SLC9A6: variants seen among roughly 807,000 people sequenced by gnomAD.
SLC9A6 encodes sodium/hydrogen exchanger 6.
SLC9A6 carries 6 observed loss-of-function variants against 45.3 expected under a neutral mutation model. That is an observed-to-expected ratio of 0.13 (90% CI 0.07 to 0.26). SLC9A6 has a LOEUF of 0.26. Among genes scored for constraint, SLC9A6 ranks in the 10% least tolerant of loss-of-function variants. The probability of loss-of-function intolerance (pLI) is 1.00; values close to 1 mark genes in which losing one functional copy is unlikely to be tolerated. For synonymous variants in SLC9A6, 191 were observed against 187.7 expected (o/e 1.02, Z -0.14); for missense variants, 278 against 503.7 (o/e 0.55, Z 4.29).
At chrX:136,021,794 T>G (rs1396323951) in intron 11 of SLC9A6, among the ~76,000 whole-genome samples, 1 of 112,159 alleles carries the variant, frequency 8.9e-6, no homozygotes. Flanking sequence ...CCCAAAATGC[T>G]GGGATTACAA....
At chrX:136,015,386 C>T (rs2071000419) in intron 10 of SLC9A6, among the ~76,000 whole-genome samples, 1 of 111,997 alleles carries the variant, frequency 8.9e-6, no homozygotes, top group Non-Finnish European at 1.9e-5. Context: ...GGAAAGTTTG[C>T]CGATCCCTAT....
intron 7 of SLC9A6, 115 bp from the exon 8 acceptor site, chrX:136,010,327 A>G (rs2070896320): frequency 1.1e-6 from 1 of 876,406 alleles, no homozygotes; most frequent in Non-Finnish European, 1.6e-6. Flanking sequence ...GGCAATTCCA[A>G]TCGAAAGCTT....
intron 11 of SLC9A6, among the ~76,000 whole-genome samples, chrX:136,018,692 TGTG>T (rs1320403112): frequency 9.0e-6 from 1 of 111,452 alleles, no homozygotes; most frequent in Non-Finnish European, 1.9e-5. Context: ...AAGGAGCAAT[TGTG>T]GTCAGTGGGA....
chrX:136,003,331 C>T (rs62603062), intron 7 of SLC9A6, among the ~76,000 whole-genome samples: 1 of 112,437 alleles, frequency 8.9e-6, no homozygotes, highest in Non-Finnish European at 1.9e-5. Flanking sequence ...CTTAGTATTT[C>T]TTTATTCAAA....
intron 7 of SLC9A6, among the ~76,000 whole-genome samples, chrX:136,009,947 TA>T (rs1233022272): frequency 4.7e-4 from 53 of 112,203 alleles, no homozygotes; most frequent in Non-Finnish European, 3.8e-5. Flanking sequence ...TCTAGAATTC[TA>T]AAAGTTGGAA....
rs2071027247 is a variant in SLC9A6 at position 136,016,768 on chromosome X, A to G, written c.1194+10A>G. The G allele has an allele frequency of 2.1e-6, 2 of 950,285 alleles. No homozygotes were observed. Among genetic ancestry groups the G allele is most frequent in the Non-Finnish European group, 3.0e-6 (2 of 663,485 alleles). 78.3% of individuals were successfully genotyped at this position (950,285 alleles called of 1,213,427 possible). Reference sequence around the variant, plus strand: ...TGTAGTAGGAGCATTTGTATCCTTTATTATGTGTTTTATTTTGAAAATATT... The same window carrying G: ...TGTAGTAGGAGCATTTGTATCCTTTGTTATGTGTTTTATTTTGAAAATATT... On this transcript the variant is annotated intron_variant, in intron 11 of 17. Transcript: ENST00000630721.
At chrX:135,994,107 CTTT>C (rs782645887) in intron 2 of SLC9A6, among the ~76,000 whole-genome samples, 4 of 96,513 alleles carry the variant, frequency 4.1e-5, no homozygotes, top group Non-Finnish European at 4.2e-5. Flanking sequence ...AAACAAATTT[CTTT>C]TTTTTTTTTT....
At chrX:135,993,989 T>C (rs181716234) in intron 2 of SLC9A6, among the ~76,000 whole-genome samples, 27 of 111,974 alleles carry the variant, frequency 2.4e-4, no homozygotes, top group African/African-American at 6.5e-4. Flanking sequence ...ACAAATATTA[T>C]TGACTTTTCA....
intron 10 of SLC9A6, among the ~76,000 whole-genome samples, chrX:136,013,939 G>A (rs1313380898): frequency 8.9e-6 from 1 of 112,285 alleles, no homozygotes; most frequent in African/African-American, 3.2e-5. Flanking sequence ...CCTTCAGTCC[G>A]CTCAGGTGCT....
In SLC9A6 at chrX:135,992,008, T is replaced by C. The variant is rs781826322; in HGVS notation, c.170-2778T>C. On this transcript the variant is annotated intron_variant, in intron 2 of 17. Transcript: ENST00000630721. Reference sequence around the variant, plus strand: ...ATGACTGCACAGTGTATATCTCCAGTTGAGACCCCTCGCTTTAGCTCCAGA... The same window carrying C: ...ATGACTGCACAGTGTATATCTCCAGCTGAGACCCCTCGCTTTAGCTCCAGA... Among the ~76,000 whole-genome samples, 15 of 111,815 alleles carry C rather than the reference T, an allele frequency of 1.3e-4. No homozygotes were observed. The South Asian group carries it at 5.6e-3, about 42-fold the overall frequency.
At position 136,013,075 on chromosome X, in the gene SLC9A6, G is replaced by T. The variant is rs782172844; in HGVS notation, c.991+21G>T. 11 of 1,080,494 alleles carry T rather than the reference G, an allele frequency of 1.0e-5. No homozygotes were observed. In the Admixed American group the frequency reaches 1.1e-4, roughly 11 times the overall value. 89.0% of individuals were successfully genotyped at this position (1,080,494 alleles called of 1,213,427 possible). A position where few individuals can be genotyped will look rare whatever the true frequency, so the allele number is the denominator to read the frequency against. ...CACAGGTAGGTGACTTGCTCCCTTT[G>T]ATTGTCAACCCTTAAAAGGAGTGAC... On this transcript the variant is annotated intron_variant, in intron 9 of 17. Transcript: ENST00000630721.
chrX:135,976,469 G>A (rs1425487991), intron 1 of SLC9A6, among the ~76,000 whole-genome samples: 1 of 109,963 alleles, frequency 9.1e-6, no homozygotes, highest in Non-Finnish European at 1.9e-5. Flanking sequence ...GGGCGTGGTG[G>A]TGGGCCCCTG....
At chrX:136,011,726 G>A (rs1238360391) in intron 8 of SLC9A6, among the ~76,000 whole-genome samples, 4 of 111,587 alleles carry the variant, frequency 3.6e-5, no homozygotes, top group Non-Finnish European at 7.5e-5. Flanking sequence ...TCACCTCTTT[G>A]GATCTCAGTG....
At chrX:135,976,825 T>A (rs1383496853) in intron 1 of SLC9A6, among the ~76,000 whole-genome samples, 5 of 111,776 alleles carry the variant, frequency 4.5e-5, no homozygotes, top group Non-Finnish European at 9.4e-5. Context: ...ATATTGAGTT[T>A]TGTTTTCTCT....
Position 135,997,025 on chromosome X carries a change from C to G in SLC9A6, c.370-1083C>G, listed in dbSNP as rs2089512556. Among the ~76,000 whole-genome samples the G allele has an allele frequency of 2.7e-5, 3 of 110,864 alleles. No homozygotes were observed. The South Asian group carries it at 1.1e-3, about 42-fold the overall frequency. ...TTGTGATCCGCCCGCCTTGGCCTCC[C>G]AAAGTGCTGGGATTACAGGCTTGAG... On this transcript the variant is annotated intron_variant, in intron 3 of 17. Coordinates refer to ENST00000630721, the MANE Select transcript of SLC9A6 (RefSeq NM_001379110.1).
At chrX:135,973,975 G>C (rs1427676652), upstream of SLC9A6, 4 of 1,039,382 alleles carry the variant, frequency 3.8e-6, no homozygotes, top group African/African-American at 2.1e-5. Flanking sequence ...CGGGAGCTAC[G>C]GGGAAGCGAA....
intron 16 of SLC9A6, among the ~76,000 whole-genome samples, chrX:136,039,754 A>G (rs1664162602): frequency 8.9e-6 from 1 of 112,111 alleles, no homozygotes; most frequent in South Asian, 3.7e-4. Flanking sequence ...CAGAAAAGCA[A>G]TGTGATGTAG....
intron 16 of SLC9A6, among the ~76,000 whole-genome samples, chrX:136,036,726 GGCTA>G (rs1283873856): frequency 3.6e-5 from 4 of 112,537 alleles, no homozygotes; most frequent in Non-Finnish European, 7.5e-5. Context: ...TTGTTGCCCA[GGCTA>G]GAAGTCCATT....
intron 8 of SLC9A6, among the ~76,000 whole-genome samples, chrX:136,011,804 G>A (rs2070927267): frequency 9.0e-6 from 1 of 111,598 alleles, no homozygotes; most frequent in Non-Finnish European, 1.9e-5. Context: ...AGAGTTTCCA[G>A]CTCTGGCCTG....
Sources: allele counts gnomAD v4.1 joint callset (sites outside exome capture counted in the v4.1 genomes callset), GRCh38; gene constraint gnomAD v4.1.1; transcripts MANE v1.5; gene names NCBI Gene and HGNC (gene_info 2026-07-23, HGNC 2026-07-21).